The following HDDC2 variants were observed in gnomAD, a reference collection of about 807,000 sequenced individuals.
HDDC2 encodes the protein HD domain containing 2.
A neutral mutation model predicts 25.5 loss-of-function variants in HDDC2; 25 were observed. The observed-to-expected ratio is 0.98, with a 90% CI of 0.72 to 1.37. HDDC2 has a LOEUF of 1.37. HDDC2 is among the 40% of genes most tolerant of loss of function. The pLI, the probability that HDDC2 is intolerant of heterozygous loss-of-function variation, is 0.00. For synonymous variants in HDDC2, 106 were observed against 89.7 expected (o/e 1.18, Z -1.03); for missense variants, 264 against 253.1 (o/e 1.04, Z -0.29).
chr6:125,276,004 C>G lies in HDDC2; in HGVS notation c.*142G>C, dbSNP rs117522658. ...GCTTCTTTTAGTGCCCAAGTTGTAT[C>G]ACATTTCTTGCTGAAGTTCAGACAA... On this transcript the variant is annotated 3_prime_UTR_variant, in exon 6 of 6. Transcript: ENST00000398153. 2 of 659,544 alleles carry G rather than the reference C, an allele frequency of 3.0e-6. No homozygotes were observed. The highest frequency in any genetic ancestry group is 1.8e-5 in the African/African-American group (1 of 55,182). The allele number at this position is 659,544 out of a possible 1,614,324, so 40.9% of individuals were successfully genotyped here.
intron 4 of HDDC2, among the ~76,000 whole-genome samples, chr6:125,283,953 G>A (rs1233210876): frequency 2.6e-5 from 4 of 152,056 alleles, no homozygotes; most frequent in African/African-American, 9.7e-5. Flanking sequence ...GCATGGTACT[G>A]GTACCAAAAC....
chr6:125,292,952 C>G (rs1337259592), intron 3 of HDDC2, 43 bp from the exon 4 acceptor site: 2 of 1,450,004 alleles, frequency 1.4e-6, no homozygotes, highest in Non-Finnish European at 1.9e-6. Context: ...TGACATTTAT[C>G]ACAGTTAACA....
intron 4 of HDDC2, 92 bp downstream of exon 4, chr6:125,292,749 G>A (rs955103058): frequency 7.3e-6 from 7 of 959,376 alleles, no homozygotes; most frequent in Non-Finnish European, 1.2e-5. Flanking sequence ...GTTAGGGACC[G>A]CTTGTTAAGA....
intron 4 of HDDC2, among the ~76,000 whole-genome samples, chr6:125,292,006 C>T (rs1798639108): frequency 6.6e-6 from 1 of 151,866 alleles, no homozygotes; most frequent in Non-Finnish European, 1.5e-5. Flanking sequence ...TTGGCAGAGG[C>T]AAAGCAGGAA....
intron 4 of HDDC2, among the ~76,000 whole-genome samples, chr6:125,281,160 A>G (rs1426287124): frequency 6.6e-6 from 1 of 152,218 alleles, no homozygotes; most frequent in African/African-American, 2.4e-5. Context: ...AATAGCATCA[A>G]CATCAACAGA....
At chr6:125,284,626 G>A (rs141607517) in intron 4 of HDDC2, among the ~76,000 whole-genome samples, 6,659 of 152,174 alleles carry the variant, frequency 0.044, 175 homozygotes, top group Middle Eastern at 0.061. Context: ...ACCATCTCAC[G>A]CCAGTTAGAA....
At chr6:125,289,196 C>T (rs1311592572) in intron 4 of HDDC2, among the ~76,000 whole-genome samples, 12 of 135,204 alleles carry the variant, frequency 8.9e-5, no homozygotes, top group Middle Eastern at 3.7e-3. Context: ...ATGGATGAAA[C>T]TGGAAACCAT....
intron 4 of HDDC2, among the ~76,000 whole-genome samples, chr6:125,280,377 C>A (rs1798439574): frequency 6.6e-6 from 1 of 152,086 alleles, no homozygotes; most frequent in Admixed American, 6.5e-5. Flanking sequence ...ACCTGGAATA[C>A]CAGCAAGACA....
rs747948360 is a variant in HDDC2 at position 125,292,864 on chromosome 6, T to C, written c.355A>G (p.Lys119Glu). The stretch of plus-strand genomic sequence containing the variant: ...ACTTCCCAAAGTTCATAGAGCTCCT[T>C]TCTGAGGTCCTCTGGTAGGAGCTGG... Reference protein sequence around the residue: ...ITQLLPEDLRKELYELWEEYE... With the variant: ...ITQLLPEDLREELYELWEEYE... The change falls in exon 4 of 6, where the codon AAG becomes GAG. Residue 119 changes from lysine (K) to glutamate (E), a missense_variant. Coordinates refer to ENST00000398153, the MANE Select transcript of HDDC2 (RefSeq NM_016063.3). 9.9e-6 allele frequency: 16 copies of C among 1,612,998 alleles called. No individual in the cohort carries two copies. The highest frequency in any genetic ancestry group is 8.5e-7 in the Non-Finnish European group (1 of 1,179,424).
chr6:125,281,089 C>T (rs765209325), intron 4 of HDDC2, among the ~76,000 whole-genome samples: 7 of 152,176 alleles, frequency 4.6e-5, no homozygotes, highest in African/African-American at 1.2e-4. Flanking sequence ...CCTCAGCAAA[C>T]GCCAGCAGAC....
At position 125,300,181 on chromosome 6, in the gene HDDC2, A is replaced by G. The variant is rs575737219; in HGVS notation, c.206+357T>C. The G allele has an allele frequency of 3.5e-4, 61 of 172,826 alleles. 1 individual carries two copies. Among genetic ancestry groups the G allele is most frequent in the African/African-American group, 1.4e-3 (58 of 42,348 alleles). 10.7% of individuals were successfully genotyped at this position (172,826 alleles called of 1,614,324 possible). On this transcript the variant is annotated intron_variant, in intron 2 of 5. Transcript: ENST00000398153. ...TCTTGCACACACAACTCCAAAAGGA[A>G]GCCTCACGAATGGATACTACTATCC...
intron 4 of HDDC2, among the ~76,000 whole-genome samples, chr6:125,290,651 T>C (rs890803879): frequency 1.3e-5 from 2 of 152,084 alleles, no homozygotes; most frequent in Non-Finnish European, 2.9e-5. Context: ...GCCAATACCA[T>C]GTGACTACAG....
chr6:125,291,328 T>C lies in HDDC2; in HGVS notation c.378+1513A>G, dbSNP rs114952279. Among the ~76,000 whole-genome samples the C allele has an allele frequency of 3.8e-3, 577 of 152,342 alleles. 2 individuals are homozygous for C. The highest frequency in any genetic ancestry group is 0.013 in the African/African-American group (540 of 41,572). On this transcript the variant is annotated intron_variant, in intron 4 of 5. Transcript: ENST00000398153. Reference sequence around the variant, plus strand: ...TCATGATTATTCAACGAGATAGGTATTGAAGGCCTATAATCTCTCATCTTA... The same window carrying C: ...TCATGATTATTCAACGAGATAGGTACTGAAGGCCTATAATCTCTCATCTTA...
chr6:125,294,357 A>G (rs1465144711), intron 3 of HDDC2, among the ~76,000 whole-genome samples: 1 of 152,118 alleles, frequency 6.6e-6, no homozygotes, highest in Non-Finnish European at 1.5e-5. Context: ...TCAACAATCC[A>G]CTCTTATAAA....
intron 4 of HDDC2, among the ~76,000 whole-genome samples, chr6:125,292,429 G>A (rs9491371): frequency 0.22 from 32,830 of 151,938 alleles, 4,310 homozygotes; most frequent in African/African-American, 0.37. Context: ...TCCAACCCTA[G>A]CAACCCTCCA....
chr6:125,280,443 C>T (rs1042470109), intron 4 of HDDC2, among the ~76,000 whole-genome samples: 12 of 152,196 alleles, frequency 7.9e-5, no homozygotes, highest in African/African-American at 2.9e-4. Context: ...TGGTCTTGAT[C>T]AGTGGATCCC....
intron 2 of HDDC2, among the ~76,000 whole-genome samples, chr6:125,299,298 A>G (rs987166): frequency 0.29 from 43,966 of 152,062 alleles, 9,113 homozygotes; most frequent in African/African-American, 0.59. Context: ...CAGGAGAATC[A>G]TTTGAATCTG....
chr6:125,293,629 C>A (rs1011285030), intron 3 of HDDC2, among the ~76,000 whole-genome samples: 2 of 152,136 alleles, frequency 1.3e-5, no homozygotes, highest in Non-Finnish European at 2.9e-5. Flanking sequence ...ACAGTACTGG[C>A]AGAAATTATT....
At chr6:125,283,730 C>A (rs1251805394) in intron 4 of HDDC2, among the ~76,000 whole-genome samples, 3 of 152,110 alleles carry the variant, frequency 2.0e-5, no homozygotes, top group Admixed American at 1.3e-4. Flanking sequence ...GTGAAAATGG[C>A]CATACTGCCC....
Sources: gnomAD v4.1 joint callset for allele counts (sites outside exome capture counted in the v4.1 genomes callset) on GRCh38, gnomAD v4.1.1 for gene constraint, MANE v1.5 for transcripts, NCBI Gene and HGNC (gene_info 2026-07-23, HGNC 2026-07-21) for gene names.